The following ZC2HC1A variants were observed in gnomAD, a reference collection of about 807,000 sequenced individuals.
The protein encoded by ZC2HC1A is zinc finger C2HC domain-containing protein 1A.
ZC2HC1A carries 28 observed loss-of-function variants against 40.7 expected under a neutral mutation model. The observed-to-expected ratio is 0.69, with a 90% confidence interval of 0.51 to 0.94. The LOEUF is 0.94. Ranked by LOEUF, ZC2HC1A falls within the 40% of genes least tolerant of loss-of-function variation. The probability of loss-of-function intolerance (pLI) is 0.00; values close to 1 mark genes in which losing one functional copy is unlikely to be tolerated. For synonymous variants in ZC2HC1A, 129 were observed against 129.2 expected, an observed-to-expected ratio of 1.00 and a Z score of 0.01; for missense variants, 389 against 386.3, an observed-to-expected ratio of 1.01 and a Z score of -0.06.
intron 7 of ZC2HC1A, among the ~76,000 whole-genome samples, chr8:78,707,786 G>A (rs7010299): frequency 0.74 from 112,689 of 151,664 alleles, 42,921 homozygotes; most frequent in East Asian, 0.91. Context: ...CTGGAACATT[G>A]TGTTACTGTA....
chr8:78,680,306 A>AG (rs1327160478), intron 3 of ZC2HC1A, among the ~76,000 whole-genome samples: 3 of 150,172 alleles, frequency 2.0e-5, no homozygotes, highest in African/African-American at 7.3e-5. Flanking sequence ...AAAAAAAAAA[A>AG]AAAAAAAAAG....
rs1187571813 is a variant in ZC2HC1A, at chr8:78,719,210, CTGAGCACTGTTTTTT to C, written c.*1720_*1734del. The C allele has an allele frequency of 7.0e-6, 1 of 142,628 alleles. No individual in the cohort carries two copies. The allele number at this position is 142,628 out of a possible 1,614,324, so 8.8% of individuals were successfully genotyped here. On this transcript the variant is annotated 3_prime_UTR_variant, in exon 9 of 9. Coordinates refer to ENST00000263849, the MANE Select transcript of ZC2HC1A (RefSeq NM_016010.3). ...AACTTTAAACTTGTTTTATCTAATA[CTGAGCACTGTTTTTT>C]TGTCAAGTATTTTTTTAAGACCACA...
intron 7 of ZC2HC1A, among the ~76,000 whole-genome samples, chr8:78,705,010 A>C (rs1810725395): frequency 6.6e-6 from 1 of 152,102 alleles, no homozygotes; most frequent in Non-Finnish European, 1.5e-5. Context: ...GTGTTTTATC[A>C]TGATTTTTAG....
In ZC2HC1A at chr8:78,689,445, T is replaced by G. The variant is rs891188239; in HGVS notation, c.504+72T>G. On this transcript the variant is annotated intron_variant, in intron 5 of 8. Transcript: ENST00000263849. ...GACATTCATAGATTATTGTTTATGC[T>G]TTTCATGACATTAGACTATATTTTT... 133 of 1,390,892 alleles carry G rather than the reference T, an allele frequency of 9.6e-5. No homozygotes were observed. The Admixed American group carries it at 3.3e-3, about 35-fold the overall frequency. 86.2% of individuals were successfully genotyped at this position (1,390,892 alleles called of 1,614,324 possible).
chr8:78,707,727 T>C (rs1295941161), intron 7 of ZC2HC1A, among the ~76,000 whole-genome samples: 3 of 152,184 alleles, frequency 2.0e-5, no homozygotes, highest in Non-Finnish European at 4.4e-5. Flanking sequence ...TTCCAACTAC[T>C]GGAAAGAGAG....
At chr8:78,690,951 A>G (rs1810192708) in intron 5 of ZC2HC1A, among the ~76,000 whole-genome samples, 1 of 152,134 alleles carries the variant, frequency 6.6e-6, no homozygotes, top group Admixed American at 6.5e-5. Context: ...ATTTTCCTAA[A>G]TTCATTTACT....
intron 7 of ZC2HC1A, among the ~76,000 whole-genome samples, chr8:78,702,697 T>C (rs934450954): frequency 6.6e-6 from 1 of 152,174 alleles, no homozygotes; most frequent in East Asian, 1.9e-4. Flanking sequence ...TCCCGATTTC[T>C]GCGTTAATTT....
intron 1 of ZC2HC1A, among the ~76,000 whole-genome samples, chr8:78,671,412 C>T (rs1809434863): frequency 6.6e-6 from 1 of 152,136 alleles, no homozygotes; most frequent in East Asian, 1.9e-4. Flanking sequence ...TATTTGCTCT[C>T]TGATATAATA....
intron 1 of ZC2HC1A, among the ~76,000 whole-genome samples, chr8:78,675,457 T>C (rs1809550240): frequency 6.6e-6 from 1 of 151,936 alleles, no homozygotes; most frequent in Admixed American, 6.6e-5. Context: ...TCTTAAAATG[T>C]AGTAATTTAC....
At chr8:78,692,351 T>G (rs1320064090) in intron 5 of ZC2HC1A, among the ~76,000 whole-genome samples, 1 of 152,162 alleles carries the variant, frequency 6.6e-6, no homozygotes, top group Non-Finnish European at 1.5e-5. Context: ...TCAGTCTTAT[T>G]TATTATTACT....
intron 8 of ZC2HC1A, among the ~76,000 whole-genome samples, chr8:78,716,588 C>G (rs937797786): frequency 6.6e-6 from 1 of 152,054 alleles, no homozygotes; most frequent in Non-Finnish European, 1.5e-5. Context: ...GACTTGAAAC[C>G]TAAGGATCTC....
intron 4 of ZC2HC1A, 63 bp downstream of exon 4, chr8:78,686,671 A>G (rs1185428519): frequency 7.2e-7 from 1 of 1,381,542 alleles, no homozygotes; most frequent in Non-Finnish European, 9.4e-7. Context: ...GAGTTTTTAT[A>G]AATTTTCACT....
intron 5 of ZC2HC1A, among the ~76,000 whole-genome samples, chr8:78,696,570 A>C (rs1314577494): frequency 6.6e-6 from 1 of 152,204 alleles, no homozygotes; most frequent in African/African-American, 2.4e-5. Flanking sequence ...AATTTGGCTC[A>C]AAAAGAGAAA....
intron 2 of ZC2HC1A, among the ~76,000 whole-genome samples, chr8:78,677,626 A>G (rs1809624400): frequency 6.6e-6 from 1 of 151,580 alleles, no homozygotes; most frequent in African/African-American, 2.4e-5. Flanking sequence ...TCTAGTATCT[A>G]TGTTCAGGCA....
chr8:78,687,845 A>G lies in ZC2HC1A; in HGVS notation c.352+1237A>G, dbSNP rs1200640600. On this transcript the variant is annotated intron_variant, in intron 4 of 8. Coordinates refer to ENST00000263849, the MANE Select transcript of ZC2HC1A (RefSeq NM_016010.3). ...TATATTCATGTAATAAATTATATATATATTTATATAATATATATCTATATA... is the reference window on the plus strand; with the variant it reads ...TATATTCATGTAATAAATTATATATGTATTTATATAATATATATCTATATA... Among the ~76,000 whole-genome samples, 3 of 107,032 alleles carry G rather than the reference A, an allele frequency of 2.8e-5. 1 individual carries two copies. The highest frequency in any genetic ancestry group is 7.1e-4 in the South Asian group (2 of 2,834). 70.2% of individuals were successfully genotyped at this position (107,032 alleles called of 152,430 possible). A position where few individuals can be genotyped will look rare whatever the true frequency, so the allele number is the denominator to read the frequency against.
chr8:78,671,484 T>A (rs1386215266), intron 1 of ZC2HC1A, among the ~76,000 whole-genome samples: 1 of 152,210 alleles, frequency 6.6e-6, no homozygotes, highest in Non-Finnish European at 1.5e-5. Flanking sequence ...GCTGCAAAAT[T>A]TGCTAGTTTT....
chr8:78,704,066 T>C (rs1384417306), intron 7 of ZC2HC1A, among the ~76,000 whole-genome samples: 1 of 152,106 alleles, frequency 6.6e-6, no homozygotes, highest in Non-Finnish European at 1.5e-5. Flanking sequence ...TGATATGAAA[T>C]TTTGAGTTGG....
chr8:78,670,989 A>G (rs1809423848), intron 1 of ZC2HC1A, among the ~76,000 whole-genome samples: 1 of 152,232 alleles, frequency 6.6e-6, no homozygotes, highest in South Asian at 2.1e-4. Context: ...TTAGTGCTTC[A>G]GAAGAAAGAT....
intron 7 of ZC2HC1A, among the ~76,000 whole-genome samples, chr8:78,714,542 C>G (rs534801122): frequency 1.3e-5 from 2 of 152,206 alleles, no homozygotes; most frequent in East Asian, 3.9e-4. Flanking sequence ...GCATTTGAAT[C>G]TAAATTCATT....
Sources: gnomAD v4.1 joint callset for allele counts (sites outside exome capture counted in the v4.1 genomes callset) on GRCh38, gnomAD v4.1.1 for gene constraint, MANE v1.5 for transcripts, NCBI Gene and HGNC (gene_info 2026-07-23, HGNC 2026-07-21) for gene names.